Variants in UGT1A8 observed in about 807,000 individuals in gnomAD.
The protein encoded by UGT1A8 is UDP glucuronosyltransferase family 1 member A8.
A neutral mutation model predicts 45.3 loss-of-function variants in UGT1A8; 39 were observed. The ratio of observed to expected loss-of-function variants is 0.86; its 90% CI spans 0.67 to 1.12. UGT1A8 has a LOEUF of 1.12. Among genes scored for constraint, UGT1A8 ranks in the 50% most tolerant of loss-of-function variants. UGT1A8 has a pLI of 0.00. For missense variants in UGT1A8, 719 were observed against 664.9 expected (o/e 1.08, Z -0.90); for synonymous variants, 275 against 249.2 (o/e 1.10, Z -0.97).
chr2:233,750,746 T>G (rs1207151817), intron 1 of UGT1A8: 2 of 151,906 alleles, frequency 1.3e-5, no homozygotes, highest in Admixed American at 1.3e-4. Context: ...ACCTCAAGCC[T>G]TGGCAGCATC....
In UGT1A8 at chr2:233,660,853, T is replaced by C. The variant is rs140196528; in HGVS notation, c.855+42291T>C. Among the ~76,000 whole-genome samples the C allele has an allele frequency of 6.9e-3, 1,055 of 152,266 alleles. 28 individuals are homozygous for C. The highest frequency in any genetic ancestry group is 0.057 in the Admixed American group (866 of 15,270). On this transcript the variant is annotated intron_variant, in intron 1 of 4. Coordinates refer to ENST00000373450, the MANE Select transcript of UGT1A8 (RefSeq NM_019076.5). ...GGGGTCTGGGAAGTCACCTGCTACC[T>C]CTTGTTTGGCAGAAGTTGCTTCTGT...
At chr2:233,718,796 T>A (rs1241026493) in intron 1 of UGT1A8, 7 of 1,613,058 alleles carry the variant, frequency 4.3e-6, no homozygotes, top group Non-Finnish European at 5.1e-6. Flanking sequence ...GGGTGGACAG[T>A]CAGCTGTCGG....
rs555611956 is a variant in UGT1A8, at chr2:233,637,014, C to G, written c.855+18452C>G. ...TTGTTGCTAAATATTTCTCCCTCCC[C>G]TCTGTGGTCTTCACCAGGGGAATAT... On this transcript the variant is annotated intron_variant, in intron 1 of 4. Transcript: ENST00000373450. 1.1e-5 allele frequency: 18 copies of G among 1,614,098 alleles called. No individual in the cohort carries two copies. The South Asian group carries it at 1.3e-4, about 12-fold the overall frequency.
intron 1 of UGT1A8, among the ~76,000 whole-genome samples, chr2:233,732,068 C>T (rs1485941196): frequency 6.6e-6 from 1 of 152,198 alleles, no homozygotes; most frequent in Non-Finnish European, 1.5e-5. Flanking sequence ...TGTCTGTTGG[C>T]TGCATAAATG....
chr2:233,637,256 A>G, intron 1 of UGT1A8: 2 of 1,613,956 alleles, frequency 1.2e-6, no homozygotes, highest in South Asian at 1.1e-5. Context: ...TATGATCTCT[A>G]CAGTCACACA....
In UGT1A8 at chr2:233,617,679, C is replaced by T. The variant is rs774840935; in HGVS notation, c.-29C>T. The stretch of plus-strand genomic sequence containing the variant: ...ACTGTATCATAGCAGCTTAGAATCC[C>T]AGCTGCTGGCTCGGGCTGCAGTTCT... On this transcript the variant is annotated 5_prime_UTR_variant, in exon 1 of 5. Coordinates refer to ENST00000373450, the MANE Select transcript of UGT1A8 (RefSeq NM_019076.5). The T allele has an allele frequency of 2.5e-6, 4 of 1,596,542 alleles. No individual in the cohort carries two copies. The highest frequency in any genetic ancestry group is 2.2e-5 in the East Asian group (1 of 44,742).
intron 1 of UGT1A8, among the ~76,000 whole-genome samples, chr2:233,699,498 C>T (rs899655583): frequency 6.6e-6 from 1 of 152,166 alleles, no homozygotes; most frequent in South Asian, 2.1e-4. Flanking sequence ...ACTTGTAATA[C>T]AAAGAACTGT....
chr2:233,693,464 C>A (rs754901282), intron 1 of UGT1A8: 3 of 1,614,126 alleles, frequency 1.9e-6, no homozygotes, highest in East Asian at 2.2e-5. Flanking sequence ...CCCAGCCTTA[C>A]CCTGTGGGGT....
intron 1 of UGT1A8, among the ~76,000 whole-genome samples, chr2:233,666,731 G>A (rs1172335900): frequency 6.6e-6 from 1 of 151,810 alleles, no homozygotes; most frequent in African/African-American, 2.4e-5. Flanking sequence ...CATGTGCCAT[G>A]TTGGTGTGCT....
rs1692776441 is a variant in UGT1A8 at position 233,744,329 on chromosome 2, T to A, written c.856-22705T>A. ...AGGGAAGAGGGTGGTGGGAGTGAGT[T>A]TAGTCTGACTGGGGCTGAAGACATC... On this transcript the variant is annotated intron_variant, in intron 1 of 4. Transcript: ENST00000373450. 1.3e-5 allele frequency among the ~76,000 whole-genome samples: 2 copies of A among 151,824 alleles called. 1 individual carries two copies. The highest frequency in any genetic ancestry group is 4.9e-5 in the African/African-American group (2 of 41,084).
chr2:233,620,035 T>G (rs1394959264), intron 1 of UGT1A8, among the ~76,000 whole-genome samples: 1 of 152,194 alleles, frequency 6.6e-6, no homozygotes, highest in Non-Finnish European at 1.5e-5. Flanking sequence ...TCTCATTATA[T>G]TATTTTATTA....
At chr2:233,630,594 G>A (rs1275222840) in intron 1 of UGT1A8, among the ~76,000 whole-genome samples, 3 of 152,070 alleles carry the variant, frequency 2.0e-5, no homozygotes, top group Admixed American at 6.6e-5. Context: ...TATGAAACAT[G>A]GTGCTAGCAT....
intron 1 of UGT1A8, chr2:233,636,523 A>G (rs753349827): frequency 1.9e-6 from 3 of 1,610,874 alleles, no homozygotes; most frequent in Non-Finnish European, 2.5e-6. Context: ...CAGTTCTCTC[A>G]TGGCTCGCGC....
chr2:233,724,349 A>C, intron 1 of UGT1A8, among the ~76,000 whole-genome samples: 2 of 126,484 alleles, frequency 1.6e-5, no homozygotes, highest in Non-Finnish European at 1.7e-5. Flanking sequence ...GACCCCCCCC[A>C]CCTCCCTCCC....
At chr2:233,759,349 A>T (rs900901642) in intron 1 of UGT1A8, among the ~76,000 whole-genome samples, 3 of 152,146 alleles carry the variant, frequency 2.0e-5, no homozygotes, top group African/African-American at 4.8e-5. Flanking sequence ...GAGCGCTGAA[A>T]ATCTCAACTA....
intron 1 of UGT1A8, among the ~76,000 whole-genome samples, chr2:233,752,728 G>C (rs546811491): frequency 1.3e-5 from 2 of 152,320 alleles, no homozygotes; most frequent in South Asian, 4.1e-4. Flanking sequence ...AACAGCTACA[G>C]AGAGAGACCC....
At chr2:233,635,717 G>C (rs1427756879) in intron 1 of UGT1A8, among the ~76,000 whole-genome samples, 3 of 150,944 alleles carry the variant, frequency 2.0e-5, no homozygotes, top group Non-Finnish European at 2.9e-5. Flanking sequence ...CAGACTGAGG[G>C]AGACAAGTAC....
At chr2:233,620,844 G>C (rs1056792204) in intron 1 of UGT1A8, among the ~76,000 whole-genome samples, 9 of 152,140 alleles carry the variant, frequency 5.9e-5, no homozygotes, top group African/African-American at 2.2e-4. Flanking sequence ...CAGATGCCAG[G>C]ATATGTCTGG....
At chr2:233,692,951 T>C in intron 1 of UGT1A8, 1 of 1,602,764 alleles carries the variant, frequency 6.2e-7, no homozygotes. Flanking sequence ...AGGAGCCCTG[T>C]GATTTGGAGA....
Sources: allele counts gnomAD v4.1 joint callset (sites outside exome capture counted in the v4.1 genomes callset), GRCh38; gene constraint gnomAD v4.1.1; transcripts MANE v1.5; gene names NCBI Gene and HGNC (gene_info 2026-07-23, HGNC 2026-07-21).